DNAH11: variants seen among roughly 807,000 people sequenced by gnomAD.
DNAH11 encodes the protein axonemal beta dynein heavy chain 11.
Under a neutral mutation model 526.0 loss-of-function variants are expected in DNAH11, and 442 were observed. The observed-to-expected ratio is 0.84, with a 90% CI of 0.78 to 0.91. The LOEUF (loss-of-function observed/expected upper bound fraction) is 0.91, where lower values mean the gene tolerates loss of function less well. DNAH11 is among the 40% of genes least tolerant of loss of function. The pLI is 0.00. For missense variants in DNAH11, 6,989 were observed against 5,448.7 expected (o/e 1.28, Z -8.90); for synonymous variants, 2,461 against 1,935.9 (o/e 1.27, Z -7.12).
intron 55 of DNAH11, among the ~76,000 whole-genome samples, chr7:21,772,332 G>GTT (rs148357059): frequency 0.018 from 2,549 of 140,270 alleles, 72 homozygotes; most frequent in African/African-American, 0.063. Context: ...AGGCCAGAGT[G>GTT]TTTTTTTTTT....
At chr7:21,782,244 T>C (rs899225042) in intron 57 of DNAH11, among the ~76,000 whole-genome samples, 12 of 152,230 alleles carry the variant, frequency 7.9e-5, no homozygotes, top group African/African-American at 2.9e-4. Flanking sequence ...TGAAACTGTC[T>C]CCAAATTCCT....
At chr7:21,595,447 T>G (rs1784828079) in intron 14 of DNAH11, among the ~76,000 whole-genome samples, 1 of 152,192 alleles carries the variant, frequency 6.6e-6, no homozygotes, top group African/African-American at 2.4e-5. Context: ...AGTAGTTGGA[T>G]TCTGGATATA....
intron 48 of DNAH11, 105 bp from the exon 49 acceptor site, chr7:21,741,822 A>T (rs1286659781): frequency 1.5e-6 from 2 of 1,307,888 alleles, no homozygotes; most frequent in African/African-American, 3.0e-5. Flanking sequence ...AAAAAGCTAC[A>T]TGGTAATGGG....
At chr7:21,637,019 A>C (rs1200393119) in intron 26 of DNAH11, among the ~76,000 whole-genome samples, 1 of 152,200 alleles carries the variant, frequency 6.6e-6, no homozygotes, top group East Asian at 1.9e-4. Context: ...ATTTCTCATA[A>C]AAATTGAGAT....
At chr7:21,659,259 T>C (rs1782148874) in intron 30 of DNAH11, among the ~76,000 whole-genome samples, 1 of 149,100 alleles carries the variant, frequency 6.7e-6, no homozygotes, top group South Asian at 2.2e-4. Context: ...TCTAAGGCTC[T>C]AGGATAGCAC....
At chr7:21,598,403 C>T (rs1411296694) in intron 14 of DNAH11, among the ~76,000 whole-genome samples, 1 of 152,080 alleles carries the variant, frequency 6.6e-6, no homozygotes, top group African/African-American at 2.4e-5. Flanking sequence ...CTTAACCACA[C>T]CTCTGTCTTC....
intron 61 of DNAH11, among the ~76,000 whole-genome samples, chr7:21,791,408 C>T (rs535605237): frequency 6.6e-6 from 1 of 152,178 alleles, no homozygotes; most frequent in Non-Finnish European, 1.5e-5. Flanking sequence ...GATATATGAT[C>T]CAACCTTTCG....
intron 45 of DNAH11, among the ~76,000 whole-genome samples, chr7:21,734,421 A>C (rs575475167): frequency 3.9e-5 from 6 of 152,374 alleles, no homozygotes; most frequent in African/African-American, 1.4e-4. Flanking sequence ...TATGAGATGC[A>C]GCTCGAATAT....
chr7:21,550,381 G>C (rs1782975712), intron 2 of DNAH11, among the ~76,000 whole-genome samples: 1 of 152,238 alleles, frequency 6.6e-6, no homozygotes, highest in Middle Eastern at 3.4e-3. Flanking sequence ...TGACAGGGTG[G>C]AGTATATGGC....
At position 21,773,763 on chromosome 7, in the gene DNAH11, C is replaced by T. The variant is rs1033926750; in HGVS notation, c.9103-3C>T. 7.2e-6 allele frequency: 11 copies of T among 1,521,230 alleles called. No homozygotes were observed. The highest frequency in any genetic ancestry group is 9.7e-6 in the Non-Finnish European group (11 of 1,132,648). 94.2% of individuals were successfully genotyped at this position (1,521,230 alleles called of 1,614,324 possible). Reference sequence around the variant, plus strand: ...ACATGAACTGTAATGTTTGTGTTTTCAGCCAGTGCACAAAGACTCTATTAG... The same window carrying T: ...ACATGAACTGTAATGTTTGTGTTTTTAGCCAGTGCACAAAGACTCTATTAG... On this transcript the variant is annotated splice_polypyrimidine_tract_variant and splice_region_variant and intron_variant, in intron 55 of 81. Transcript: ENST00000409508.
intron 65 of DNAH11, among the ~76,000 whole-genome samples, chr7:21,831,504 A>T (rs1453950808): frequency 6.6e-6 from 1 of 152,232 alleles, no homozygotes; most frequent in Non-Finnish European, 1.5e-5. Context: ...TCCCTGGGAA[A>T]TCTAAACATA....
chr7:21,543,392 AGCG>A lies in DNAH11; in HGVS notation c.148_150del (p.Ala50del). 6.4e-7 allele frequency: 1 copy of A among 1,552,398 alleles called. No individual in the cohort carries two copies. The highest frequency in any genetic ancestry group is 8.7e-7 in the Non-Finnish European group (1 of 1,147,298). On this transcript the variant is annotated inframe_deletion, in exon 1 of 82. Coordinates refer to ENST00000409508, the MANE Select transcript of DNAH11 (RefSeq NM_001277115.2). ...ACGAGGAGGAGGCGGCGGCCAGGAG[AGCG>A]CGGAGTTTCGCCCAAGACGCGCGGG...
At chr7:21,653,627 A>G (rs2128464447) in intron 28 of DNAH11, among the ~76,000 whole-genome samples, 1 of 152,314 alleles carries the variant, frequency 6.6e-6, no homozygotes, top group African/African-American at 2.4e-5. Context: ...GGGAGAGTGA[A>G]TTATGAGATT....
chr7:21,735,595 C>A, intron 45 of DNAH11, 45 bp from the exon 46 acceptor site: 3 of 1,535,186 alleles, frequency 2.0e-6, no homozygotes, highest in Non-Finnish European at 2.6e-6. Context: ...CGCACGCACT[C>A]TCTCTCTCTT....
intron 60 of DNAH11, 70 bp downstream of exon 60, chr7:21,787,653 C>T (rs149492878): frequency 8.2e-6 from 11 of 1,341,118 alleles, no homozygotes; most frequent in Middle Eastern, 3.8e-4. Flanking sequence ...ATTTCTAGGT[C>T]AGCGAGAAGA....
intron 63 of DNAH11, among the ~76,000 whole-genome samples, chr7:21,815,855 C>T (rs1692223923): frequency 6.6e-6 from 1 of 151,956 alleles, no homozygotes; most frequent in Non-Finnish European, 1.5e-5. Flanking sequence ...CCCACTTGCC[C>T]CTCCCTCCTC....
intron 9 of DNAH11, among the ~76,000 whole-genome samples, chr7:21,582,769 G>T (rs1281929177): frequency 6.6e-6 from 1 of 152,056 alleles, no homozygotes; most frequent in African/African-American, 2.4e-5. Context: ...AGGGATGGAG[G>T]GTTCAATATC....
intron 8 of DNAH11, among the ~76,000 whole-genome samples, 163 bp downstream of exon 8, chr7:21,572,136 A>T (rs1024784555): frequency 1.3e-5 from 2 of 152,182 alleles, no homozygotes; most frequent in African/African-American, 4.8e-5. Context: ...TAGTTAGTAG[A>T]TCAGGGATCA....
At chr7:21,713,373 A>G (rs1031020294) in intron 42 of DNAH11, among the ~76,000 whole-genome samples, 1 of 152,070 alleles carries the variant, frequency 6.6e-6, no homozygotes, top group Non-Finnish European at 1.5e-5. Flanking sequence ...TGAGAGGGAG[A>G]GAGGACAGTG....
Sources: gnomAD v4.1 joint callset for allele counts (sites outside exome capture counted in the v4.1 genomes callset) on GRCh38, gnomAD v4.1.1 for gene constraint, MANE v1.5 for transcripts, NCBI Gene and HGNC (gene_info 2026-07-23, HGNC 2026-07-21) for gene names.